MYL12B: variants seen among roughly 807,000 people sequenced by gnomAD.
The protein encoded by MYL12B is myosin light chain 12B, also known as myosin regulatory light chain 12B.
MYL12B carries 3 observed loss-of-function variants against 12.9 expected under a neutral mutation model. That is an observed-to-expected ratio of 0.23 (90% confidence interval 0.11 to 0.60). The LOEUF is 0.60. Ranked by LOEUF, MYL12B falls within the 20% of genes least tolerant of loss-of-function variation. The pLI is 0.89. For missense variants in MYL12B, 120 were observed against 215.4 expected (o/e 0.56, Z 2.77); for synonymous variants, 57 against 71.9 (o/e 0.79, Z 1.05).
intron 1 of MYL12B, among the ~76,000 whole-genome samples, chr18:3,268,541 C>T (rs1791066): frequency 0.015 from 2,270 of 152,286 alleles, 52 homozygotes; most frequent in African/African-American, 0.052. Flanking sequence ...GGGAGTGCCA[C>T]TCACATTTCA....
intron 2 of MYL12B, chr18:3,276,413 A>G: frequency 5.1e-6 from 5 of 984,496 alleles, no homozygotes; most frequent in Non-Finnish European, 4.8e-6. Context: ...GCTCCTAGGG[A>G]AAGGTCAGGG....
intron 1 of MYL12B, among the ~76,000 whole-genome samples, chr18:3,264,580 C>CA (rs2081622304): frequency 6.6e-6 from 1 of 152,144 alleles, no homozygotes; most frequent in African/African-American, 2.4e-5. Flanking sequence ...TGTATGGTGA[C>CA]TCATGCCTGT....
intron 1 of MYL12B, among the ~76,000 whole-genome samples, 181 bp from the exon 2 acceptor site, chr18:3,272,703 A>T (rs1189973838): frequency 6.6e-6 from 1 of 151,808 alleles, no homozygotes; most frequent in Non-Finnish European, 1.5e-5. Flanking sequence ...CTTTTTTTCC[A>T]CTCAGTCATT....
At chr18:3,271,027 C>T (rs978769988) in intron 1 of MYL12B, among the ~76,000 whole-genome samples, 1 of 152,058 alleles carries the variant, frequency 6.6e-6, no homozygotes, top group Admixed American at 6.5e-5. Context: ...CTAAATAACT[C>T]GATTACAAAA....
intron 2 of MYL12B, chr18:3,277,037 C>T: frequency 3.1e-6 from 3 of 969,860 alleles, no homozygotes; most frequent in Non-Finnish European, 3.7e-6. Flanking sequence ...GAATAAATAA[C>T]CTTCAATATA....
intron 3 of MYL12B, 121 bp downstream of exon 3, chr18:3,277,535 A>G (rs1452646472): frequency 2.1e-6 from 3 of 1,449,198 alleles, no homozygotes; most frequent in East Asian, 4.8e-5. Flanking sequence ...TTTTGTAAGC[A>G]TATGATCTGT....
chr18:3,266,911 C>T (rs1036866662), intron 1 of MYL12B, among the ~76,000 whole-genome samples: 2 of 151,946 alleles, frequency 1.3e-5, no homozygotes, highest in East Asian at 1.9e-4. Flanking sequence ...CTGGGGAAGC[C>T]GAAATGACCA....
At chr18:3,272,722 A>C (rs2081690878) in intron 1 of MYL12B, among the ~76,000 whole-genome samples, 162 bp from the exon 2 acceptor site, 1 of 152,190 alleles carries the variant, frequency 6.6e-6, no homozygotes, top group African/African-American at 2.4e-5. Flanking sequence ...TTTAATTGTC[A>C]CATTGAAAAT....
intron 1 of MYL12B, among the ~76,000 whole-genome samples, chr18:3,268,092 A>T (rs9947353): frequency 0.95 from 145,051 of 152,350 alleles, 69,135 homozygotes; most frequent in Non-Finnish European, 0.98. Flanking sequence ...GGCTAACTGT[A>T]TGGGTTGGGT....
At position 3,277,248 on chromosome 18, in the gene MYL12B, T is replaced by TA; in HGVS notation, c.185-4dup. The TA allele has an allele frequency of 3.8e-6, 6 of 1,569,094 alleles. No individual in the cohort carries two copies. The highest frequency in any genetic ancestry group is 4.3e-6 in the Non-Finnish European group (5 of 1,157,790). On this transcript the variant is annotated splice_region_variant and splice_polypyrimidine_tract_variant and intron_variant, in intron 2 of 3. Coordinates refer to ENST00000237500, the MANE Select transcript of MYL12B (RefSeq NM_033546.4). ...CTTTAAATGTTAAAATGTGTATTCT[T>TA]ACAGGGAAGAATCCCACTGATGCAT...
Position 3,275,678 on chromosome 18 carries a change from G to A in MYL12B, c.185-1575G>A, listed in dbSNP as rs962539079. 2.6e-5 allele frequency among the ~76,000 whole-genome samples: 4 copies of A among 152,170 alleles called. No homozygotes were observed. The East Asian group carries it at 5.8e-4, about 22-fold the overall frequency. ...ACAGATTACATTGGATGTCTTGAGC[G>A]GGTCCATAAGTGCTTAGCCTAAACC... On this transcript the variant is annotated intron_variant, in intron 2 of 3. Coordinates refer to ENST00000237500, the MANE Select transcript of MYL12B (RefSeq NM_033546.4).
intron 2 of MYL12B, chr18:3,276,843 C>A: frequency 1.3e-6 from 1 of 790,518 alleles, no homozygotes; most frequent in Non-Finnish European, 1.5e-6. Flanking sequence ...TCAAGACCAG[C>A]CTGGGCAACA....
chr18:3,267,800 C>T (rs2081645620), intron 1 of MYL12B, among the ~76,000 whole-genome samples: 1 of 152,150 alleles, frequency 6.6e-6, no homozygotes, highest in Non-Finnish European at 1.5e-5. Context: ...TCATCTGTAT[C>T]TGCAGAGGGT....
intron 1 of MYL12B, among the ~76,000 whole-genome samples, chr18:3,266,083 C>A (rs1213326927): frequency 6.6e-6 from 1 of 152,112 alleles, no homozygotes; most frequent in Non-Finnish European, 1.5e-5. Flanking sequence ...TAACAGAATA[C>A]TCCAAAACCT....
intron 1 of MYL12B, among the ~76,000 whole-genome samples, chr18:3,271,536 C>G (rs571736738): frequency 3.3e-5 from 5 of 152,262 alleles, no homozygotes; most frequent in Non-Finnish European, 7.4e-5. Flanking sequence ...TTTCACATTG[C>G]AGGAAGTTAC....
chr18:3,266,182 A>C (rs903803158), intron 1 of MYL12B, among the ~76,000 whole-genome samples: 1 of 152,230 alleles, frequency 6.6e-6, no homozygotes, highest in Non-Finnish European at 1.5e-5. Context: ...TCATGAGGTC[A>C]CATGGGGAGG....
chr18:3,270,505 C>T (rs1164186738), intron 1 of MYL12B, among the ~76,000 whole-genome samples: 2 of 152,152 alleles, frequency 1.3e-5, no homozygotes, highest in African/African-American at 4.8e-5. Context: ...AACTAACTCC[C>T]TATTCTTTCT....
Position 3,276,642 on chromosome 18 carries a change from A to G in MYL12B, c.185-611A>G, listed in dbSNP as rs376048196. On this transcript the variant is annotated intron_variant, in intron 2 of 3. Transcript: ENST00000237500. Reference sequence around the variant, plus strand: ...ATAAATACAACTTTGAAGCATATCAACTTATGGGCATCTGTACCACAACTG... The same window carrying G: ...ATAAATACAACTTTGAAGCATATCAGCTTATGGGCATCTGTACCACAACTG... 1.0e-5 allele frequency: 8 copies of G among 801,238 alleles called. No homozygotes were observed. In the South Asian group the frequency reaches 1.7e-4, roughly 17 times the overall value. The allele number at this position is 801,238 out of a possible 1,614,324, so 49.6% of individuals were successfully genotyped here. A position where few individuals can be genotyped will look rare whatever the true frequency, so the allele number is the denominator to read the frequency against.
chr18:3,263,619 G>C (rs74349241), intron 1 of MYL12B, among the ~76,000 whole-genome samples: 16,257 of 152,284 alleles, frequency 0.11, 929 homozygotes, highest in Non-Finnish European at 0.13. Flanking sequence ...GAAAGAACAG[G>C]ATTTAGAGCC....
Sources: allele counts gnomAD v4.1 joint callset (sites outside exome capture counted in the v4.1 genomes callset), GRCh38; gene constraint gnomAD v4.1.1; transcripts MANE v1.5; gene names NCBI Gene and HGNC (gene_info 2026-07-23, HGNC 2026-07-21).